Variants in ASCC3 observed in about 807,000 individuals in gnomAD.
The protein encoded by ASCC3 is activating signal cointegrator 1 complex subunit 3.
A neutral mutation model predicts 256.3 loss-of-function variants in ASCC3; 158 were observed. The observed-to-expected ratio is 0.62, with a 90% CI of 0.54 to 0.70. The LOEUF is 0.70. ASCC3 is among the 30% of genes least tolerant of loss of function. The pLI is 0.00. For missense variants in ASCC3, 2,259 were observed against 2,626.0 expected, an observed-to-expected ratio of 0.86 and a Z score of 3.05; for synonymous variants, 948 against 883.4, an observed-to-expected ratio of 1.07 and a Z score of -1.30.
chr6:100,641,398 T>A (rs574343637), intron 24 of ASCC3, among the ~76,000 whole-genome samples: 1 of 152,350 alleles, frequency 6.6e-6, no homozygotes, highest in East Asian at 1.9e-4. Flanking sequence ...TTCTAACTGG[T>A]GTGAGATGGT....
intron 4 of ASCC3, among the ~76,000 whole-genome samples, chr6:100,813,687 C>A (rs1317197909): frequency 6.6e-6 from 1 of 151,714 alleles, no homozygotes; most frequent in Non-Finnish European, 1.5e-5. Context: ...CTAATTGAAA[C>A]TGAAAAGGAA....
At chr6:100,842,263 A>T (rs1350771108) in intron 4 of ASCC3, among the ~76,000 whole-genome samples, 1 of 152,192 alleles carries the variant, frequency 6.6e-6, no homozygotes, top group Non-Finnish European at 1.5e-5. Flanking sequence ...TATTCTAGTT[A>T]CAAAAAAAAC....
chr6:100,764,478 T>C (rs969060299), intron 10 of ASCC3, among the ~76,000 whole-genome samples: 12 of 152,190 alleles, frequency 7.9e-5, no homozygotes, highest in Admixed American at 1.3e-4. Flanking sequence ...ATAGTTTATA[T>C]TGAGAAGCAT....
At chr6:100,814,572 T>G (rs917441662) in intron 4 of ASCC3, among the ~76,000 whole-genome samples, 3 of 152,194 alleles carry the variant, frequency 2.0e-5, no homozygotes, top group African/African-American at 7.2e-5. Context: ...CATCCAGTCC[T>G]GAGCTTTTTT....
intron 29 of ASCC3, among the ~76,000 whole-genome samples, chr6:100,626,071 A>G (rs1358195980): frequency 6.6e-6 from 1 of 152,056 alleles, no homozygotes; most frequent in Non-Finnish European, 1.5e-5. Context: ...ACTGAAGTAA[A>G]TTTTGTAAAT....
rs1395540192 is a variant in ASCC3, at chr6:100,867,993, G to A, written c.5C>T (p.Ala2Val). The A allele has an allele frequency of 6.2e-7, 1 of 1,611,406 alleles. No individual in the cohort carries two copies. Among genetic ancestry groups the A allele is most frequent in the Non-Finnish European group, 8.5e-7 (1 of 1,177,852 alleles). ...CAAGGCTCCTGTGAGACGAGGTAAA[G>A]CCATCTATTATTCAATCAGTGATCC... MALPRLTGALRS... is the reference protein window; with the variant it reads MVLPRLTGALRS... The change falls in exon 2 of 42, where the codon GCT becomes GTT. Residue 2 changes from alanine (A) to valine (V), a missense_variant. Physicochemically the swap from Ala to Val is moderately conservative, Grantham distance 64 (BLOSUM62 0). Transcript: ENST00000369162.
At chr6:100,590,086 T>C in intron 34 of ASCC3, 27 bp from the exon 35 acceptor site, 2 of 1,516,640 alleles carry the variant, frequency 1.3e-6, no homozygotes, top group East Asian at 2.3e-5. Context: ...GTTATTATTA[T>C]TTGTTTCAAG....
At chr6:100,575,346 G>T (rs1770802077) in intron 36 of ASCC3, among the ~76,000 whole-genome samples, 1 of 151,904 alleles carries the variant, frequency 6.6e-6, no homozygotes, top group East Asian at 1.9e-4. Context: ...GTTTGAGAAA[G>T]ATATTTTTGC....
chr6:100,861,812 T>A (rs1221486331), intron 3 of ASCC3, among the ~76,000 whole-genome samples: 1 of 152,120 alleles, frequency 6.6e-6, no homozygotes, highest in Non-Finnish European at 1.5e-5. Flanking sequence ...ATCCCCAGAA[T>A]TATATTTAAT....
At chr6:100,607,998 G>T in intron 30 of ASCC3, among the ~76,000 whole-genome samples, 1 of 133,608 alleles carries the variant, frequency 7.5e-6, no homozygotes, top group African/African-American at 2.8e-5. Context: ...TTAACCCCTT[G>T]TCCATCATAT....
chr6:100,521,076 G>C (rs903900222), intron 37 of ASCC3, among the ~76,000 whole-genome samples: 1 of 152,104 alleles, frequency 6.6e-6, no homozygotes, highest in Non-Finnish European at 1.5e-5. Context: ...TCTAATTACA[G>C]TGATTGTAAC....
chr6:100,650,518 G>T lies in ASCC3; in HGVS notation c.3252+20C>A. 6.2e-7 allele frequency: 1 copy of T among 1,610,666 alleles called. No homozygotes were observed. The highest frequency in any genetic ancestry group is 8.5e-7 in the Non-Finnish European group (1 of 1,177,508). On this transcript the variant is annotated intron_variant, in intron 20 of 41. Coordinates refer to ENST00000369162, the MANE Select transcript of ASCC3 (RefSeq NM_006828.4). ...AATATATTCAAGGAAGAGAAAACTG[G>T]AAGGGAATAAGATACTTACCTGTGC...
In ASCC3 at chr6:100,644,148, C is replaced by A; in HGVS notation, c.3634-19G>T. On this transcript the variant is annotated intron_variant, in intron 22 of 41. Coordinates refer to ENST00000369162, the MANE Select transcript of ASCC3 (RefSeq NM_006828.4). ...CATGTACCTAGAAGAAAAATAGCAT[C>A]CTGCTACTATGCATATCATAACTCA... 1 of 1,523,862 alleles carries A rather than the reference C, an allele frequency of 6.6e-7. No homozygotes were observed. Among genetic ancestry groups the A allele is most frequent in the Non-Finnish European group, 9.1e-7 (1 of 1,098,632 alleles). The allele number at this position is 1,523,862 out of a possible 1,614,324, so 94.4% of individuals were successfully genotyped here. A position where few individuals can be genotyped will look rare whatever the true frequency, so the allele number is the denominator to read the frequency against.
intron 10 of ASCC3, among the ~76,000 whole-genome samples, chr6:100,764,932 A>T (rs1781579481): frequency 6.6e-6 from 1 of 152,162 alleles, no homozygotes; most frequent in Admixed American, 6.5e-5. Context: ...TTAAGATGAG[A>T]TCATCCTGAC....
intron 16 of ASCC3, among the ~76,000 whole-genome samples, chr6:100,658,324 C>T (rs1201048071): frequency 1.3e-5 from 2 of 151,398 alleles, no homozygotes; most frequent in Non-Finnish European, 3.0e-5. Flanking sequence ...CTCAATATCA[C>T]TTCATATCTA....
rs184866366 is a variant in ASCC3, at chr6:100,786,509, T to G, written c.1395+12204A>C. 3.7e-4 allele frequency among the ~76,000 whole-genome samples: 56 copies of G among 152,314 alleles called. 1 individual carries two copies. The highest frequency in any genetic ancestry group is 6.8e-4 in the Non-Finnish European group (46 of 68,020). ...CAACATCTGTAATATTTTATGGACT[T>G]GACCGTATAAGTGCCCAAATATTTT... On this transcript the variant is annotated intron_variant, in intron 8 of 41. Transcript: ENST00000369162.
At chr6:100,800,603 CT>C in intron 5 of ASCC3, 99 bp from the exon 6 acceptor site, 1 of 870,482 alleles carries the variant, frequency 1.1e-6, no homozygotes, top group Non-Finnish European at 1.8e-6. Context: ...ACATATAATG[CT>C]CTTACAATTC....
intron 37 of ASCC3, among the ~76,000 whole-genome samples, chr6:100,529,962 C>T (rs912997186): frequency 5.9e-5 from 9 of 152,042 alleles, no homozygotes; most frequent in African/African-American, 2.2e-4. Context: ...ATGATGTTTG[C>T]CTTAGGGCCC....
intron 4 of ASCC3, among the ~76,000 whole-genome samples, chr6:100,823,004 ACACAAAAAAG>A (rs545347709): frequency 1.8e-3 from 272 of 152,322 alleles, no homozygotes; most frequent in African/African-American, 6.3e-3. Context: ...TAGGATCACC[ACACAAAAAAG>A]CACATTATTT....
Sources: allele counts gnomAD v4.1 joint callset (sites outside exome capture counted in the v4.1 genomes callset), GRCh38; gene constraint gnomAD v4.1.1; transcripts MANE v1.5; gene names NCBI Gene and HGNC (gene_info 2026-07-23, HGNC 2026-07-21).